DNM3: variants seen among roughly 807,000 people sequenced by gnomAD.
DNM3 encodes dynamin 3, also known as dynamin-3.
A neutral mutation model predicts 101.6 loss-of-function variants in DNM3; 47 were observed. That is an observed-to-expected ratio of 0.46 (90% CI 0.37 to 0.59). The LOEUF (loss-of-function observed/expected upper bound fraction) is 0.59. Among genes scored for constraint, DNM3 ranks in the 20% least tolerant of loss-of-function variants. The pLI is 0.00. For synonymous variants in DNM3, 385 were observed against 387.9 expected (o/e 0.99, Z 0.09); for missense variants, 849 against 1,085.7 (o/e 0.78, Z 3.06).
At chr1:171,901,362 G>A (rs1248568978) in intron 1 of DNM3, among the ~76,000 whole-genome samples, 1 of 152,134 alleles carries the variant, frequency 6.6e-6, no homozygotes, top group East Asian at 1.9e-4. Flanking sequence ...GAGCAGCTGA[G>A]GTGGTGGAGC....
At chr1:172,391,369 A>G (rs1040358928) in intron 20 of DNM3, among the ~76,000 whole-genome samples, 5 of 152,154 alleles carry the variant, frequency 3.3e-5, no homozygotes, top group Non-Finnish European at 7.3e-5. Flanking sequence ...AGAGAGGGCA[A>G]GAAAGACTCT....
intron 2 of DNM3, among the ~76,000 whole-genome samples, chr1:171,957,505 T>A (rs1348241694): frequency 6.6e-6 from 1 of 152,172 alleles, no homozygotes; most frequent in Non-Finnish European, 1.5e-5. Flanking sequence ...GCCCAGTGTT[T>A]TTCTTTTCTA....
intron 20 of DNM3, 69 bp downstream of exon 20, chr1:172,388,878 A>G: frequency 7.9e-7 from 1 of 1,267,126 alleles, no homozygotes; most frequent in Non-Finnish European, 1.1e-6. Context: ...GACAGACAAA[A>G]TTTATTTGAA....
chr1:172,079,286 G>A (rs1173730085), intron 11 of DNM3, among the ~76,000 whole-genome samples: 2 of 152,014 alleles, frequency 1.3e-5, no homozygotes, highest in Non-Finnish European at 2.9e-5. Context: ...TTTTCACATA[G>A]TCCCATATTT....
At chr1:171,925,909 T>C (rs1443455568) in intron 2 of DNM3, among the ~76,000 whole-genome samples, 1 of 152,188 alleles carries the variant, frequency 6.6e-6, no homozygotes, top group African/African-American at 2.4e-5. Flanking sequence ...GGTCCAGTTA[T>C]ATTCTTCTGC....
At chr1:171,931,946 T>G (rs1434637987) in intron 2 of DNM3, among the ~76,000 whole-genome samples, 1 of 152,084 alleles carries the variant, frequency 6.6e-6, no homozygotes, top group African/African-American at 2.4e-5. Flanking sequence ...TATTTATTAT[T>G]TTTTTAATCC....
chr1:172,181,967 T>A (rs1380348352), intron 14 of DNM3, among the ~76,000 whole-genome samples: 1 of 152,110 alleles, frequency 6.6e-6, no homozygotes, highest in Non-Finnish European at 1.5e-5. Context: ...CTGCCTCATG[T>A]CTGTTTTTGG....
intron 14 of DNM3, among the ~76,000 whole-genome samples, chr1:172,219,369 C>T (rs1428363159): frequency 8.3e-6 from 1 of 121,198 alleles, no homozygotes; most frequent in African/African-American, 3.5e-5. Context: ...CAGAGGAATA[C>T]CCTGTCTCAA....
intron 13 of DNM3, among the ~76,000 whole-genome samples, chr1:172,109,451 C>T (rs989358466): frequency 1.3e-5 from 2 of 152,162 alleles, no homozygotes; most frequent in South Asian, 2.1e-4. Context: ...ACCATGTCAT[C>T]CTTCACTCAT....
chr1:172,165,997 GT>G (rs2058729827), intron 14 of DNM3, among the ~76,000 whole-genome samples: 1 of 151,970 alleles, frequency 6.6e-6, no homozygotes, highest in South Asian at 2.1e-4. Flanking sequence ...AGCCTTTCTT[GT>G]TTCCCCCTGG....
In DNM3 at chr1:172,071,086, CATATATATATATATATATAT is replaced by C. The variant is rs56255511; in HGVS notation, c.1422+2196_1422+2215del. On this transcript the variant is annotated intron_variant, in intron 11 of 20. Coordinates refer to ENST00000627582, the MANE Select transcript of DNM3 (RefSeq NM_015569.5). ...GCCTGGGTGACAGAGCAAGACCCTG[CATATATATATATATATATAT>C]ATATATATATATATCTTAGTTCTTA... Among the ~76,000 whole-genome samples the C allele has an allele frequency of 2.2e-3, 142 of 65,084 alleles. 11 individuals are homozygous for C. Among genetic ancestry groups the C allele is most frequent in the Middle Eastern group, 0.017 (2 of 118 alleles). The allele number at this position is 65,084 out of a possible 152,430, so 42.7% of individuals were successfully genotyped here.
chr1:171,987,306 G>T (rs2045333401), intron 2 of DNM3: 1 of 985,334 alleles, frequency 1.0e-6, no homozygotes. Context: ...ACAGAACTCA[G>T]AGGTATCCCA....
At chr1:172,036,541 G>C (rs1186698198) in intron 6 of DNM3, among the ~76,000 whole-genome samples, 1 of 152,032 alleles carries the variant, frequency 6.6e-6, no homozygotes, top group Non-Finnish European at 1.5e-5. Context: ...ACAAGCAATG[G>C]GGAAAGGATT....
chr1:172,012,696 G>T (rs1246631993), intron 4 of DNM3, among the ~76,000 whole-genome samples: 1 of 151,410 alleles, frequency 6.6e-6, no homozygotes, highest in Non-Finnish European at 1.5e-5. Flanking sequence ...CAAGTACTTT[G>T]CTAGAATCTG....
chr1:171,877,065 G>T (rs1433461480), intron 1 of DNM3, among the ~76,000 whole-genome samples: 2 of 152,156 alleles, frequency 1.3e-5, no homozygotes, highest in African/African-American at 4.8e-5. Context: ...AAATGATGCA[G>T]AGAAGAGTCT....
chr1:171,860,332 C>T (rs1014552033), intron 1 of DNM3, among the ~76,000 whole-genome samples: 1 of 152,012 alleles, frequency 6.6e-6, no homozygotes, highest in Non-Finnish European at 1.5e-5. Context: ...TCAGGTATTT[C>T]TGATAAAAAT....
At chr1:172,327,698 C>T (rs2065994609) in intron 17 of DNM3, among the ~76,000 whole-genome samples, 1 of 152,070 alleles carries the variant, frequency 6.6e-6, no homozygotes, top group Admixed American at 6.6e-5. Context: ...AAAACTTAAG[C>T]CAATACATGC....
At chr1:172,172,411 C>T (rs2058995686) in intron 14 of DNM3, among the ~76,000 whole-genome samples, 1 of 151,636 alleles carries the variant, frequency 6.6e-6, no homozygotes. Flanking sequence ...TTAGCAAAGA[C>T]AGCATGGATA....
intron 2 of DNM3, among the ~76,000 whole-genome samples, chr1:171,960,106 A>G (rs1345418596): frequency 6.6e-6 from 1 of 152,160 alleles, no homozygotes; most frequent in Non-Finnish European, 1.5e-5. Flanking sequence ...TTCAAATCCA[A>G]TGACTGCTGA....
Sources: gnomAD v4.1 joint callset for allele counts (sites outside exome capture counted in the v4.1 genomes callset) on GRCh38, gnomAD v4.1.1 for gene constraint, MANE v1.5 for transcripts, NCBI Gene and HGNC (gene_info 2026-07-23, HGNC 2026-07-21) for gene names.